The following PIK3CB variants were observed in gnomAD, a reference collection of about 807,000 sequenced individuals.
The protein encoded by PIK3CB is phosphatidylinositol 4,5-bisphosphate 3-kinase catalytic subunit beta isoform.
PIK3CB carries 39 observed loss-of-function variants against 136.8 expected under a neutral mutation model. The observed-to-expected ratio is 0.29, with a 90% CI of 0.22 to 0.37. The LOEUF (loss-of-function observed/expected upper bound fraction) is 0.37. PIK3CB is among the 10% of genes least tolerant of loss of function. The pLI is 1.00. For synonymous variants in PIK3CB, 428 were observed against 436.6 expected (o/e 0.98, Z 0.25); for missense variants, 868 against 1,275.4 (o/e 0.68, Z 4.87).
intron 14 of PIK3CB, 128 bp downstream of exon 14, chr3:138,694,658 G>T: frequency 1.0e-6 from 1 of 965,524 alleles, no homozygotes; most frequent in Non-Finnish European, 1.5e-6. Flanking sequence ...AGGAGTACAT[G>T]AGCAAATGCT....
At chr3:138,712,726 C>G (rs2044529192) in intron 9 of PIK3CB, among the ~76,000 whole-genome samples, 1 of 151,934 alleles carries the variant, frequency 6.6e-6, no homozygotes, top group Admixed American at 6.6e-5. Flanking sequence ...GCCACCACAC[C>G]CAGCTAATTT....
chr3:138,714,942 T>G (rs1396078373), intron 8 of PIK3CB, among the ~76,000 whole-genome samples: 1 of 152,178 alleles, frequency 6.6e-6, no homozygotes, highest in East Asian at 1.9e-4. Context: ...CCGTAGTTAG[T>G]CTAATCTGTT....
intron 14 of PIK3CB, among the ~76,000 whole-genome samples, chr3:138,692,026 A>T (rs2044019799): frequency 6.6e-6 from 1 of 152,210 alleles, no homozygotes; most frequent in African/African-American, 2.4e-5. Context: ...TATAAGTGGG[A>T]ATTGATCATT....
In PIK3CB at chr3:138,737,755, G is replaced by A. The variant is rs199909802; in HGVS notation, c.753C>T (p.Ser251=). The A allele has an allele frequency of 8.7e-6, 14 of 1,609,240 alleles. No homozygotes were observed. Among genetic ancestry groups the A allele is most frequent in the Admixed American group, 3.4e-5 (2 of 59,370 alleles). ...VSPYDYVLQV[S]GRVEYVFGDH... ...CACCAAAAACATATTCTACTCTCCC[G>A]CTGACTTGCAACACATAATCATAGG... The change falls in exon 6 of 24, where the codon AGC becomes AGT. Residue 251 remains serine (S), a synonymous_variant. Coordinates refer to ENST00000674063, the MANE Select transcript of PIK3CB (RefSeq NM_006219.3).
chr3:138,759,542 T>G (rs1289395085), intron 2 of PIK3CB, among the ~76,000 whole-genome samples, 183 bp from the exon 3 acceptor site: 2 of 152,108 alleles, frequency 1.3e-5, no homozygotes, highest in Non-Finnish European at 2.9e-5. Flanking sequence ...AATAAATTAT[T>G]TAAATACACT....
intron 4 of PIK3CB, among the ~76,000 whole-genome samples, chr3:138,749,376 A>G (rs2045423819): frequency 6.6e-6 from 1 of 152,112 alleles, no homozygotes; most frequent in Non-Finnish European, 1.5e-5. Flanking sequence ...GGGTTACAAC[A>G]TTTTTTCACT....
intron 11 of PIK3CB, 57 bp from the exon 12 acceptor site, chr3:138,704,550 G>C (rs1320907065): frequency 9.1e-7 from 1 of 1,099,020 alleles, no homozygotes; most frequent in Non-Finnish European, 1.4e-6. Context: ...AGAATTTTAA[G>C]TGTAAATGAC....
At chr3:138,754,418 G>C (rs115508746) in intron 4 of PIK3CB, among the ~76,000 whole-genome samples, 1 of 151,808 alleles carries the variant, frequency 6.6e-6, no homozygotes, top group Non-Finnish European at 1.5e-5. Context: ...CTCTAGCCTG[G>C]GCAACAGGGC....
Position 138,755,991 on chromosome 3 carries a change from A to C in PIK3CB, c.172-12T>G. The C allele has an allele frequency of 6.9e-7, 1 of 1,441,512 alleles. No individual in the cohort carries two copies. The highest frequency in any genetic ancestry group is 9.5e-7 in the Non-Finnish European group (1 of 1,048,716). 89.3% of individuals were successfully genotyped at this position (1,441,512 alleles called of 1,614,324 possible). A position where few individuals can be genotyped will look rare whatever the true frequency, so the allele number is the denominator to read the frequency against. ...TGCTTCCATAACATCTATGAGAAAAAATAAGACATTTTCTGGAATGGAAAC... is the reference window on the plus strand; with the variant it reads ...TGCTTCCATAACATCTATGAGAAAACATAAGACATTTTCTGGAATGGAAAC... On this transcript the variant is annotated splice_polypyrimidine_tract_variant and intron_variant, in intron 3 of 23. Transcript: ENST00000674063.
intron 3 of PIK3CB, among the ~76,000 whole-genome samples, chr3:138,758,204 T>C (rs981049140): frequency 1.3e-5 from 2 of 152,040 alleles, no homozygotes; most frequent in Non-Finnish European, 2.9e-5. Flanking sequence ...GTACCAAGAA[T>C]AGGCAAACTG....
intron 13 of PIK3CB, 22 bp from the exon 14 acceptor site, chr3:138,694,929 T>G: frequency 1.3e-6 from 2 of 1,588,968 alleles, no homozygotes; most frequent in East Asian, 2.2e-5. Context: ...ATGAAACTGG[T>G]TCAGAAATAA....
intron 5 of PIK3CB, 98 bp from the exon 6 acceptor site, chr3:138,737,984 A>G (rs774433301): frequency 2.8e-5 from 18 of 636,042 alleles, no homozygotes; most frequent in Non-Finnish European, 4.6e-5. Context: ...ACAAATGTAC[A>G]TAATATTTAT....
At chr3:138,823,876 G>A (rs1040732398) in intron 1 of PIK3CB, among the ~76,000 whole-genome samples, 5 of 152,128 alleles carry the variant, frequency 3.3e-5, no homozygotes, top group Non-Finnish European at 7.4e-5. Flanking sequence ...GTATCAAAAT[G>A]GAGTTTGAGC....
chr3:138,741,513 C>A (rs1219287359), intron 5 of PIK3CB, among the ~76,000 whole-genome samples: 1 of 152,142 alleles, frequency 6.6e-6, no homozygotes, highest in Non-Finnish European at 1.5e-5. Context: ...TGGTTATTCA[C>A]AGTAATTCAA....
chr3:138,798,017 A>G (rs1298318068), intron 1 of PIK3CB, among the ~76,000 whole-genome samples: 2 of 152,154 alleles, frequency 1.3e-5, no homozygotes, highest in Non-Finnish European at 2.9e-5. Context: ...GTAAATCTCT[A>G]TTCTTAAGTG....
In PIK3CB at chr3:138,745,297, G is replaced by A. The variant is rs547796858; in HGVS notation, c.398-2516C>T. The stretch of plus-strand genomic sequence containing the variant: ...AACTCAGGGGGTTCTGGGTGGCCAC[G>A]GGCATCATCCAATATCAAAAGAACC... On this transcript the variant is annotated intron_variant, in intron 4 of 23. Transcript: ENST00000674063. Among the ~76,000 whole-genome samples the A allele has an allele frequency of 2.1e-3, 323 of 151,998 alleles. 2 individuals are homozygous for A. The highest frequency in any genetic ancestry group is 4.4e-3 in the African/African-American group (181 of 41,470).
chr3:138,827,746 G>A (rs2076101368), intron 1 of PIK3CB, among the ~76,000 whole-genome samples: 2 of 151,452 alleles, frequency 1.3e-5, no homozygotes, highest in African/African-American at 4.9e-5. Context: ...TTGGGAGGCC[G>A]AGGCGGGCGG....
chr3:138,668,477 C>G (rs1309970362), intron 19 of PIK3CB, among the ~76,000 whole-genome samples: 1 of 152,146 alleles, frequency 6.6e-6, no homozygotes, highest in African/African-American at 2.4e-5. Flanking sequence ...ACCCTCTGCA[C>G]TCAACTTCTA....
chr3:138,705,197 A>AAAAAAAAAAAAAAAT (rs1313585582), intron 11 of PIK3CB, among the ~76,000 whole-genome samples: 1 of 142,190 alleles, frequency 7.0e-6, no homozygotes, highest in Non-Finnish European at 1.5e-5. Flanking sequence ...AAACAAAAAA[A>AAAAAAAAAAAAAAAT]AAAACTTATA....
Sources: gnomAD v4.1 joint callset for allele counts (sites outside exome capture counted in the v4.1 genomes callset) on GRCh38, gnomAD v4.1.1 for gene constraint, MANE v1.5 for transcripts, NCBI Gene and HGNC (gene_info 2026-07-23, HGNC 2026-07-21) for gene names.